CPNE8: variants seen among roughly 807,000 people sequenced by gnomAD.
CPNE8 encodes copine-8.
In CPNE8, 45 loss-of-function variants were observed where a neutral mutation model predicts 81.5. The observed-to-expected ratio is 0.55, with a 90% CI of 0.44 to 0.71. CPNE8 has a LOEUF of 0.71. Among genes scored for constraint, CPNE8 ranks in the 30% least tolerant of loss-of-function variants. CPNE8 has a pLI of 0.00. For missense variants in CPNE8, 594 were observed against 672.1 expected, an observed-to-expected ratio of 0.88 and a Z score of 1.28; for synonymous variants, 252 against 226.3, an observed-to-expected ratio of 1.11 and a Z score of -1.02.
At chr12:38,780,255 T>C (rs1942022668) in intron 6 of CPNE8, among the ~76,000 whole-genome samples, 1 of 152,102 alleles carries the variant, frequency 6.6e-6, no homozygotes, top group Non-Finnish European at 1.5e-5. Context: ...GAAGAGAGAA[T>C]TAGTGAACTG....
chr12:38,770,214 T>C (rs532753116), intron 7 of CPNE8, among the ~76,000 whole-genome samples: 8 of 152,298 alleles, frequency 5.3e-5, no homozygotes, highest in Non-Finnish European at 8.8e-5. Context: ...CTAACGTCTA[T>C]CCATAAACTT....
At chr12:38,761,274 C>G (rs1034645610) in intron 9 of CPNE8, among the ~76,000 whole-genome samples, 7 of 152,142 alleles carry the variant, frequency 4.6e-5, no homozygotes, top group Non-Finnish European at 8.8e-5. Flanking sequence ...TATTGGACCT[C>G]TCTCCTGGAG....
chr12:38,827,314 A>G (rs1943215450), intron 6 of CPNE8, among the ~76,000 whole-genome samples: 1 of 152,198 alleles, frequency 6.6e-6, no homozygotes, highest in Non-Finnish European at 1.5e-5. Flanking sequence ...TAAAAAGTCA[A>G]AAAATAACAG....
intron 6 of CPNE8, among the ~76,000 whole-genome samples, chr12:38,797,278 G>A (rs1490179652): frequency 6.6e-6 from 1 of 152,206 alleles, no homozygotes; most frequent in East Asian, 1.9e-4. Context: ...CCCCCGAGCA[G>A]CCTAACTGGG....
chr12:38,852,520 T>C (rs548388321), intron 3 of CPNE8, among the ~76,000 whole-genome samples: 144 of 151,962 alleles, frequency 9.5e-4, no homozygotes, highest in Non-Finnish European at 6.9e-4. Context: ...GAGAATCACT[T>C]GAACCTAGGA....
At chr12:38,801,517 T>C (rs1392466808) in intron 6 of CPNE8, among the ~76,000 whole-genome samples, 1 of 23,946 alleles carries the variant, frequency 4.2e-5, no homozygotes, top group Non-Finnish European at 7.6e-5. Flanking sequence ...GCGCTAAACA[T>C]GGAAAGGAAC....
chr12:38,809,647 A>T (rs1942894391), intron 6 of CPNE8, among the ~76,000 whole-genome samples: 1 of 152,186 alleles, frequency 6.6e-6, no homozygotes, highest in African/African-American at 2.4e-5. Context: ...ATATAAAAAC[A>T]CATTCACTCC....
intron 6 of CPNE8, among the ~76,000 whole-genome samples, chr12:38,826,273 GA>G (rs1406678721): frequency 2.0e-5 from 3 of 152,152 alleles, no homozygotes; most frequent in South Asian, 4.1e-4. Flanking sequence ...TATAAGCTTA[GA>G]AAATCAAATT....
intron 6 of CPNE8, among the ~76,000 whole-genome samples, chr12:38,785,482 G>T (rs1332612341): frequency 6.6e-6 from 1 of 152,106 alleles, no homozygotes; most frequent in Non-Finnish European, 1.5e-5. Context: ...ATGAAGGCAG[G>T]TATTTCCCAG....
At chr12:38,855,032 G>C (rs1489549171) in intron 3 of CPNE8, among the ~76,000 whole-genome samples, 1 of 151,934 alleles carries the variant, frequency 6.6e-6, no homozygotes, top group Non-Finnish European at 1.5e-5. Flanking sequence ...TATTTCAACT[G>C]ATAAAGTCAG....
At chr12:38,876,561 C>G (rs901361756) in intron 1 of CPNE8, among the ~76,000 whole-genome samples, 1 of 152,182 alleles carries the variant, frequency 6.6e-6, no homozygotes, top group Non-Finnish European at 1.5e-5. Context: ...TTGTTTCACT[C>G]AGCCATTGTG....
At chr12:38,863,399 C>A (rs1943869630) in intron 3 of CPNE8, among the ~76,000 whole-genome samples, 1 of 152,146 alleles carries the variant, frequency 6.6e-6, no homozygotes, top group Non-Finnish European at 1.5e-5. Context: ...AGACATTTAA[C>A]TAAAATATAA....
intron 6 of CPNE8, among the ~76,000 whole-genome samples, chr12:38,825,416 C>G (rs1268676240): frequency 6.6e-6 from 1 of 151,944 alleles, no homozygotes; most frequent in Non-Finnish European, 1.5e-5. Flanking sequence ...CAGGAGTTAG[C>G]AAGGATGAAT....
Position 38,852,637 on chromosome 12 carries a change from C to T in CPNE8, c.187-3975G>A, listed in dbSNP as rs1233377071. On this transcript the variant is annotated intron_variant, in intron 3 of 19. Transcript: ENST00000331366. ...AAATAAAAATAAAATGTTTATGTTT[C>T]CCCCACTAGACAGTAAGCTTCGTGA... 2.0e-5 allele frequency among the ~76,000 whole-genome samples: 3 copies of T among 151,952 alleles called. No individual in the cohort carries two copies. In the East Asian group the frequency reaches 5.8e-4, roughly 29 times the overall value.
chr12:38,655,751 C>T (rs1272382832), intron 19 of CPNE8, among the ~76,000 whole-genome samples: 1 of 151,872 alleles, frequency 6.6e-6, no homozygotes, highest in East Asian at 1.9e-4. Context: ...GCCTTTTATG[C>T]AATGAAGGTA....
At chr12:38,691,562 A>G (rs1939676625) in intron 15 of CPNE8, among the ~76,000 whole-genome samples, 1 of 151,988 alleles carries the variant, frequency 6.6e-6, no homozygotes, top group Admixed American at 6.5e-5. Context: ...AGATTACTGA[A>G]GTTGAAACAT....
intron 7 of CPNE8, among the ~76,000 whole-genome samples, chr12:38,775,949 A>T (rs1941924576): frequency 6.6e-6 from 1 of 152,210 alleles, no homozygotes. Context: ...TGATTGGTAT[A>T]ACTGACTATT....
intron 1 of CPNE8, among the ~76,000 whole-genome samples, chr12:38,902,405 AAGAAAGAAAGAAAAAGAAAG>A (rs1944501725): frequency 7.1e-6 from 1 of 141,320 alleles, no homozygotes; most frequent in African/African-American, 3.0e-5. Context: ...GAAAGAAAGA[AAGAAAGAAAGAAAAAGAAAG>A]AAAGAAAGAA....
In CPNE8 at chr12:38,791,618, G is replaced by T. The variant is rs927242779; in HGVS notation, c.408-15317C>A. On this transcript the variant is annotated intron_variant, in intron 6 of 19. Transcript: ENST00000331366. ...ACAATCCTGAAATGTGTTAACAAAA[G>T]ATAATAAAACAGAAAGAAAATAATA... is the stretch of plus-strand genomic sequence containing the variant. 2.0e-5 allele frequency among the ~76,000 whole-genome samples: 3 copies of T among 151,478 alleles called. No homozygotes were observed. The East Asian group carries it at 5.8e-4, about 29-fold the overall frequency.
Sources: gnomAD v4.1 joint callset for allele counts (sites outside exome capture counted in the v4.1 genomes callset) on GRCh38, gnomAD v4.1.1 for gene constraint, MANE v1.5 for transcripts, NCBI Gene and HGNC (gene_info 2026-07-23, HGNC 2026-07-21) for gene names.